HAUS6: variants seen among roughly 807,000 people sequenced by gnomAD.
HAUS6 encodes HAUS augmin like complex subunit 6.
In HAUS6, 80 loss-of-function variants were observed where a neutral mutation model predicts 106.8. That is an observed-to-expected ratio of 0.75 (90% CI 0.63 to 0.90). The LOEUF is 0.90. Among genes scored for constraint, HAUS6 ranks in the 40% least tolerant of loss-of-function variants. The pLI is 0.00. For synonymous variants in HAUS6, 356 were observed against 379.1 expected (o/e 0.94, Z 0.71); for missense variants, 1,155 against 1,118.1 (o/e 1.03, Z -0.47).
chr9:19,063,910 G>T, intron 12 of HAUS6: 1 of 385,808 alleles, frequency 2.6e-6, no homozygotes, highest in Non-Finnish European at 5.0e-6. Flanking sequence ...AACTAGAACT[G>T]CATTATTACA....
At chr9:19,076,232 T>C (rs1264697161) in intron 11 of HAUS6, among the ~76,000 whole-genome samples, 2 of 151,014 alleles carry the variant, frequency 1.3e-5, no homozygotes, top group East Asian at 2.0e-4. Flanking sequence ...ACGGGTGTGG[T>C]GTCCCAGCCA....
chr9:19,080,175 A>C (rs1038150870), intron 9 of HAUS6, among the ~76,000 whole-genome samples: 3 of 91,450 alleles, frequency 3.3e-5, no homozygotes, highest in African/African-American at 2.6e-4. Flanking sequence ...ACTCCGTCTC[A>C]AAAAAAAAAA....
intron 11 of HAUS6, among the ~76,000 whole-genome samples, chr9:19,074,973 G>C (rs1258373935): frequency 6.6e-6 from 1 of 152,078 alleles, no homozygotes; most frequent in African/African-American, 2.4e-5. Flanking sequence ...ATAGTCAAAA[G>C]GTGAAAACAA....
Position 19,055,455 on chromosome 9 carries a change from C to T in HAUS6, c.*888G>A, listed in dbSNP as rs958878244. ...TTACTGTGAGGCTATTCTGTAGGGA[C>T]TGGGGGATTCTGATGGTTGTTCCTT... On this transcript the variant is annotated 3_prime_UTR_variant, in exon 17 of 17. Coordinates refer to ENST00000380502, the MANE Select transcript of HAUS6 (RefSeq NM_017645.5). 6 of 152,188 alleles carry T rather than the reference C, an allele frequency of 3.9e-5. No homozygotes were observed. Among genetic ancestry groups the T allele is most frequent in the African/African-American group, 1.4e-4 (6 of 41,428 alleles). 9.4% of individuals were successfully genotyped at this position (152,188 alleles called of 1,614,324 possible). A position where few individuals can be genotyped will look rare whatever the true frequency, so the allele number is the denominator to read the frequency against.
intron 2 of HAUS6, among the ~76,000 whole-genome samples, chr9:19,096,275 C>T (rs1308230412): frequency 6.6e-6 from 1 of 152,148 alleles, no homozygotes; most frequent in Non-Finnish European, 1.5e-5. Context: ...AGTTGAAATT[C>T]TGGCTTATGC....
Position 19,102,795 on chromosome 9 carries a change from A to G in HAUS6, c.-144T>C, listed in dbSNP as rs1221078593. ...GCCTGCTCCTTTCACGCCCAGAGCG[A>G]TTTCGCCTCAAAGGGCCTCACAACC... On this transcript the variant is annotated 5_prime_UTR_variant, in exon 1 of 17. Transcript: ENST00000380502. The G allele has an allele frequency of 4.0e-6, 3 of 752,716 alleles. No individual in the cohort carries two copies. Among genetic ancestry groups the G allele is most frequent in the Non-Finnish European group, 6.2e-6 (3 of 483,134 alleles). 46.6% of individuals were successfully genotyped at this position (752,716 alleles called of 1,614,324 possible).
At chr9:19,087,284 A>T (rs890353241) in intron 5 of HAUS6, 128 bp from the exon 6 acceptor site, 2 of 648,042 alleles carry the variant, frequency 3.1e-6, no homozygotes, top group East Asian at 5.1e-5. Context: ...AAGCTAAAGG[A>T]CTCTAGACTC....
At position 19,058,042 on chromosome 9, in the gene HAUS6, G is replaced by A. The variant is rs369340619; in HGVS notation, c.2725C>T (p.Pro909Ser). 2 of 1,612,294 alleles carry A rather than the reference G, an allele frequency of 1.2e-6. No individual in the cohort carries two copies. Among genetic ancestry groups the A allele is most frequent in the Admixed American group, 1.7e-5 (1 of 59,984 alleles). Residue 909 changes from proline to serine, a missense_variant, in exon 16 of 17, where the codon CCA becomes TCA. Pro to Ser is a moderately conservative substitution (Grantham distance 74). Coordinates refer to ENST00000380502, the MANE Select transcript of HAUS6 (RefSeq NM_017645.5). ...SIGERKRSLS[P>S]LIKFSPVEQR... is the part of the protein sequence containing the mutation. The stretch of plus-strand genomic sequence containing the variant: ...TCCACTGGAGAAAACTTAATTAGTG[G>A]TGAAAGAGACCGTTTTCTTTCACCG...
chr9:19,095,567 T>A (rs975495443), intron 2 of HAUS6, among the ~76,000 whole-genome samples: 1 of 150,380 alleles, frequency 6.6e-6, no homozygotes, highest in East Asian at 1.9e-4. Context: ...ACCTTAATAA[T>A]AGGGAATTCC....
Position 19,059,002 on chromosome 9 carries a change from C to CT in HAUS6, c.1766-2dup, listed in dbSNP as rs755587378. 4 of 1,540,262 alleles carry CT rather than the reference C, an allele frequency of 2.6e-6. No homozygotes were observed. Among genetic ancestry groups the CT allele is most frequent in the Non-Finnish European group, 3.6e-6 (4 of 1,118,194 alleles). On this transcript the variant is annotated splice_acceptor_variant, in intron 15 of 16. Coordinates refer to ENST00000380502, the MANE Select transcript of HAUS6 (RefSeq NM_017645.5). LOFTEE classifies it high-confidence loss of function. ...CTCCATGAGCTCCTAATTTCAGTTA[C>CT]TAATTAAAGGGGAGAAAAACACAGT...
chr9:19,091,129 T>C (rs774947833), intron 4 of HAUS6, among the ~76,000 whole-genome samples: 2 of 151,724 alleles, frequency 1.3e-5, no homozygotes, highest in Non-Finnish European at 2.9e-5. Context: ...TGATACCCCA[T>C]CTATACTAAA....
chr9:19,090,121 C>T (rs1167353871), intron 4 of HAUS6, among the ~76,000 whole-genome samples: 1 of 151,896 alleles, frequency 6.6e-6, no homozygotes, highest in African/African-American at 2.4e-5. Flanking sequence ...TTACAGGCCA[C>T]CACATTCAGC....
chr9:19,079,115 G>A (rs1276307469), intron 9 of HAUS6, among the ~76,000 whole-genome samples: 2 of 141,722 alleles, frequency 1.4e-5, no homozygotes, highest in Admixed American at 1.5e-4. Context: ...AGAAAGCCGA[G>A]ATTGCGCTAT....
rs189824591 is a variant in HAUS6, at chr9:19,096,668, C to G, written c.224+6G>C. On this transcript the variant is annotated splice_donor_region_variant and intron_variant, in intron 2 of 16. Coordinates refer to ENST00000380502, the MANE Select transcript of HAUS6 (RefSeq NM_017645.5). ...AATTTAAGAAAATGAAATTATTTTT[C>G]CTTACTTGAAAACTTCTTTGGTGAG... 3.6e-3 allele frequency: 4,460 copies of G among 1,234,536 alleles called. 19 individuals are homozygous for G. Among genetic ancestry groups the G allele is most frequent in the Non-Finnish European group, 4.7e-3 (4,113 of 879,020 alleles). 76.5% of individuals were successfully genotyped at this position (1,234,536 alleles called of 1,614,324 possible). A position where few individuals can be genotyped will look rare whatever the true frequency, so the allele number is the denominator to read the frequency against.
intron 11 of HAUS6, among the ~76,000 whole-genome samples, chr9:19,070,904 G>A (rs1173396446): frequency 1.3e-5 from 2 of 152,256 alleles, no homozygotes; most frequent in Admixed American, 1.3e-4. Context: ...AGAGTGGGAA[G>A]AAGGCATGAA....
At chr9:19,082,192 C>T (rs1310235370) in intron 8 of HAUS6, among the ~76,000 whole-genome samples, 1 of 152,088 alleles carries the variant, frequency 6.6e-6, no homozygotes, top group Non-Finnish European at 1.5e-5. Flanking sequence ...TTACAAGCAA[C>T]ACTTAACAGC....
intron 12 of HAUS6, among the ~76,000 whole-genome samples, chr9:19,067,542 A>C (rs1294209514): frequency 6.6e-6 from 1 of 152,210 alleles, no homozygotes; most frequent in Non-Finnish European, 1.5e-5. Flanking sequence ...GGAGCTTAGA[A>C]GAAGACAGAT....
Position 19,058,509 on chromosome 9 carries a change from A to G in HAUS6, c.2258T>C (p.Leu753Ser). The G allele has an allele frequency of 6.3e-7, 1 of 1,578,660 alleles. No individual in the cohort carries two copies. Among genetic ancestry groups the G allele is most frequent in the Non-Finnish European group, 8.6e-7 (1 of 1,159,602 alleles). Residue 753 changes from leucine to serine, a missense_variant, in exon 16 of 17, where the codon TTG becomes TCG. This residue lies in a region of HAUS6 where 380 missense variants were observed against 394.8 expected (regional missense o/e 0.96). Coordinates refer to ENST00000380502, the MANE Select transcript of HAUS6 (RefSeq NM_017645.5). ...CNKPSTNKTMLWNSFQISSGI... is the reference protein window; with the variant it reads ...CNKPSTNKTMSWNSFQISSGI... ...ACTTGATATCTGAAAAGAATTCCAC[A>G]ACATAGTTTTATTTGTGGAAGGTTT... is the stretch of plus-strand genomic sequence containing the variant.
rs567667069 is a variant in HAUS6, at chr9:19,084,929, C to CTT, written c.699+1803_699+1804dup. The stretch of plus-strand genomic sequence containing the variant: ...GGCGTGAGCCACTGTACCCCCGCCT[C>CTT]TTTTTTTTTTCTTTTTTAAGACGGG... On this transcript the variant is annotated intron_variant, in intron 7 of 16. Coordinates refer to ENST00000380502, the MANE Select transcript of HAUS6 (RefSeq NM_017645.5). 4.1e-3 allele frequency among the ~76,000 whole-genome samples: 617 copies of CTT among 149,112 alleles called. 3 individuals carry two copies. The highest frequency in any genetic ancestry group is 0.015 in the African/African-American group (593 of 40,768).
Sources: allele counts gnomAD v4.1 joint callset (sites outside exome capture counted in the v4.1 genomes callset), GRCh38; gene constraint gnomAD v4.1.1; regional missense constraint gnomAD v4.1.1; transcripts MANE v1.5; gene names NCBI Gene and HGNC (gene_info 2026-07-23, HGNC 2026-07-21).